TAF3: variants seen among roughly 807,000 people sequenced by gnomAD.
The protein encoded by TAF3 is TATA-box binding protein associated factor 3.
Under a neutral mutation model 80.6 loss-of-function variants are expected in TAF3, and 7 were observed. That is an observed-to-expected ratio of 0.09 (90% confidence interval 0.05 to 0.16). The LOEUF is 0.16. Among genes scored for constraint, TAF3 ranks in the 10% least tolerant of loss-of-function variants. TAF3 has a pLI of 1.00. For missense variants in TAF3, 921 were observed against 1,140.2 expected (o/e 0.81, Z 2.77); for synonymous variants, 444 against 446.1 (o/e 1.00, Z 0.06).
chr10:7,954,042 A>C (rs1399642048), intron 2 of TAF3, among the ~76,000 whole-genome samples: 9 of 140,816 alleles, frequency 6.4e-5, no homozygotes, highest in African/African-American at 1.8e-4. Context: ...TTCAGAGTGC[A>C]CTCCATAGGC....
intron 4 of TAF3, among the ~76,000 whole-genome samples, chr10:7,981,209 C>T (rs1028948111): frequency 1.3e-5 from 2 of 152,198 alleles, no homozygotes; most frequent in African/African-American, 4.8e-5. Context: ...ATTTCTCAAA[C>T]GTCTCTTTTG....
At chr10:7,867,677 A>G (rs958624197) in intron 2 of TAF3, among the ~76,000 whole-genome samples, 5 of 152,324 alleles carry the variant, frequency 3.3e-5, no homozygotes, top group Non-Finnish European at 5.9e-5. Flanking sequence ...TAAGGAGGAT[A>G]GTTTGCGCAG....
intron 1 of TAF3, among the ~76,000 whole-genome samples, chr10:7,821,074 T>C (rs1252364322): frequency 6.6e-6 from 1 of 152,228 alleles, no homozygotes; most frequent in Non-Finnish European, 1.5e-5. Flanking sequence ...GCTGCCACTC[T>C]ATGTGACTAG....
intron 2 of TAF3, 42 bp downstream of exon 2, chr10:7,824,602 A>G: frequency 6.3e-7 from 1 of 1,594,350 alleles, no homozygotes; most frequent in Non-Finnish European, 8.6e-7. Context: ...GATTATTTTA[A>G]TGGATTTTTA....
chr10:7,842,892 A>G (rs986148871), intron 2 of TAF3, among the ~76,000 whole-genome samples: 1 of 152,250 alleles, frequency 6.6e-6, no homozygotes, highest in African/African-American at 2.4e-5. Flanking sequence ...TCAGCACTGA[A>G]TGTAATGGTT....
At chr10:7,902,894 G>T (rs534661478) in intron 2 of TAF3, among the ~76,000 whole-genome samples, 1 of 151,978 alleles carries the variant, frequency 6.6e-6, no homozygotes, top group Admixed American at 6.6e-5. Context: ...TTTTTTAGTG[G>T]TTAGAATAGA....
rs77874855 is a variant in TAF3 at position 7,885,853 on chromosome 10, T to C, written c.409+61293T>C. Among the ~76,000 whole-genome samples, 1,280 of 152,328 alleles carry C rather than the reference T, an allele frequency of 8.4e-3. 20 individuals carry two copies. The highest frequency in any genetic ancestry group is 0.03 in the African/African-American group (1,230 of 41,570). ...TTTGTGGGTGCTTGCCTTCATGTTA[T>C]TATTTTTGATTACCTGTTTTTAGGG... On this transcript the variant is annotated intron_variant, in intron 2 of 6. Transcript: ENST00000344293.
Position 8,013,920 on chromosome 10 carries a change from C to T in TAF3, c.2675+83C>T. Reference sequence around the variant, plus strand: ...AGATGAAGCATCCACTGAGTAGATTCCTGCCTTTGGACTGACCCAGGGCTG... The same window carrying T: ...AGATGAAGCATCCACTGAGTAGATTTCTGCCTTTGGACTGACCCAGGGCTG... On this transcript the variant is annotated intron_variant, in intron 6 of 6. Transcript: ENST00000344293. The T allele has an allele frequency of 6.6e-6, 8 of 1,205,898 alleles. No individual in the cohort carries two copies. The South Asian group carries it at 8.6e-5, about 13-fold the overall frequency. The allele number at this position is 1,205,898 out of a possible 1,614,324, so 74.7% of individuals were successfully genotyped here. A position where few individuals can be genotyped will look rare whatever the true frequency, so the allele number is the denominator to read the frequency against.
intron 2 of TAF3, among the ~76,000 whole-genome samples, chr10:7,856,622 A>C (rs547197215): frequency 6.6e-6 from 1 of 152,350 alleles, no homozygotes; most frequent in East Asian, 1.9e-4. Flanking sequence ...ACTGAGGACC[A>C]ATAAAGCCAG....
At chr10:7,995,560 C>T (rs1017232841) in intron 4 of TAF3, among the ~76,000 whole-genome samples, 1 of 152,118 alleles carries the variant, frequency 6.6e-6, no homozygotes, top group Non-Finnish European at 1.5e-5. Context: ...TGATTCGGAA[C>T]ATTTGACAAT....
Position 7,975,069 on chromosome 10 carries a change from T to A in TAF3, c.2233-2172T>A, listed in dbSNP as rs368018551. 1.6e-3 allele frequency: 164 copies of A among 99,624 alleles called. 1 individual carries two copies. The highest frequency in any genetic ancestry group is 0.011 in the African/African-American group (156 of 14,668). The allele number at this position is 99,624 out of a possible 1,614,324, so 6.2% of individuals were successfully genotyped here. A position where few individuals can be genotyped will look rare whatever the true frequency, so the allele number is the denominator to read the frequency against. On this transcript the variant is annotated intron_variant, in intron 3 of 6. Coordinates refer to ENST00000344293, the MANE Select transcript of TAF3 (RefSeq NM_031923.4). ...CCTGGCAACAGAACAAGACTCTGTC[T>A]CAAAAAAAAAAAAAAAAAAAAAAGA...
intron 2 of TAF3, among the ~76,000 whole-genome samples, chr10:7,933,881 T>TC (rs1224049950): frequency 2.0e-5 from 3 of 152,124 alleles, no homozygotes; most frequent in Non-Finnish European, 4.4e-5. Flanking sequence ...ATGCACGTTT[T>TC]CCCCCCGATT....
intron 2 of TAF3, among the ~76,000 whole-genome samples, chr10:7,851,842 T>G (rs1298735035): frequency 6.6e-6 from 1 of 152,080 alleles, no homozygotes; most frequent in African/African-American, 2.4e-5. Flanking sequence ...TGGAGTGCAG[T>G]GGTACAGTCC....
chr10:7,920,980 CA>C (rs1837757436), intron 2 of TAF3, among the ~76,000 whole-genome samples: 1 of 152,110 alleles, frequency 6.6e-6, no homozygotes, highest in African/African-American at 2.4e-5. Context: ...TTGGGCCAGC[CA>C]ATCTGGAGGA....
chr10:7,884,048 G>A (rs905836951), intron 2 of TAF3, among the ~76,000 whole-genome samples: 6 of 152,100 alleles, frequency 3.9e-5, no homozygotes, highest in African/African-American at 7.2e-5. Flanking sequence ...ATCTGTGAGT[G>A]GATTAACCCA....
intron 2 of TAF3, among the ~76,000 whole-genome samples, chr10:7,828,900 G>GGTAC (rs1564342148): frequency 6.6e-6 from 1 of 150,674 alleles, no homozygotes; most frequent in African/African-American, 2.4e-5. Context: ...TGGGTGTGGT[G>GGTAC]GTGCCTGTAG....
chr10:7,872,212 G>GCT (rs1588533523), intron 2 of TAF3, among the ~76,000 whole-genome samples: 1 of 36,990 alleles, frequency 2.7e-5, no homozygotes, highest in Non-Finnish European at 5.3e-5. Context: ...GTGTTGGGTT[G>GCT]ATTTTTTTTT....
intron 4 of TAF3, among the ~76,000 whole-genome samples, chr10:7,989,580 C>G (rs1404759780): frequency 6.6e-6 from 1 of 152,134 alleles, no homozygotes; most frequent in East Asian, 1.9e-4. Flanking sequence ...GCACATGGTT[C>G]TGTATACATC....
chr10:7,973,342 G>C (rs1400797977), intron 3 of TAF3, among the ~76,000 whole-genome samples: 1 of 152,166 alleles, frequency 6.6e-6, no homozygotes, highest in Non-Finnish European at 1.5e-5. Flanking sequence ...ATTGGAATGC[G>C]TACATGCTAG....
Sources: gnomAD v4.1 joint callset for allele counts (sites outside exome capture counted in the v4.1 genomes callset) on GRCh38, gnomAD v4.1.1 for gene constraint, MANE v1.5 for transcripts, NCBI Gene and HGNC (gene_info 2026-07-23, HGNC 2026-07-21) for gene names.